CNTNAP2: variants seen among roughly 807,000 people sequenced by gnomAD.
CNTNAP2 encodes contactin-associated protein-like 2.
A neutral mutation model predicts 155.2 loss-of-function variants in CNTNAP2; 98 were observed. The observed-to-expected ratio is 0.63, with a 90% CI of 0.54 to 0.75. The LOEUF (loss-of-function observed/expected upper bound fraction) is 0.75, where lower values mean the gene tolerates loss of function less well. CNTNAP2 is among the 30% of genes least tolerant of loss of function. The probability of loss-of-function intolerance (pLI) is 0.00; values close to 1 mark genes in which losing one functional copy is unlikely to be tolerated. For missense variants in CNTNAP2, 1,727 were observed against 1,688.1 expected (o/e 1.02, Z -0.40); for synonymous variants, 651 against 631.2 (o/e 1.03, Z -0.47).
At chr7:146,564,713 G>A (rs1286322649) in intron 1 of CNTNAP2, among the ~76,000 whole-genome samples, 2 of 151,530 alleles carry the variant, frequency 1.3e-5, no homozygotes, top group South Asian at 2.1e-4. Context: ...AACATAAGGA[G>A]TAATGGATTA....
intron 1 of CNTNAP2, among the ~76,000 whole-genome samples, chr7:146,654,156 G>A (rs1320661647): frequency 6.6e-6 from 1 of 152,018 alleles, no homozygotes; most frequent in East Asian, 1.9e-4. Flanking sequence ...TAATAACAAT[G>A]ATGGACACGA....
At chr7:146,393,153 A>T (rs771096960) in intron 1 of CNTNAP2, among the ~76,000 whole-genome samples, 2 of 152,184 alleles carry the variant, frequency 1.3e-5, no homozygotes, top group Non-Finnish European at 2.9e-5. Context: ...GTTTATGTCA[A>T]ATACTTAGGC....
chr7:146,249,583 CTTA>C (rs1799723469), intron 1 of CNTNAP2, among the ~76,000 whole-genome samples: 2 of 152,266 alleles, frequency 1.3e-5, no homozygotes, highest in South Asian at 4.1e-4. Flanking sequence ...ACAAATATCA[CTTA>C]TTATGTGCTG....
At chr7:146,305,567 A>G (rs1800694998) in intron 1 of CNTNAP2, among the ~76,000 whole-genome samples, 1 of 152,110 alleles carries the variant, frequency 6.6e-6, no homozygotes, top group African/African-American at 2.4e-5. Context: ...TTGCCTGGGT[A>G]TCACCAGTGG....
intron 1 of CNTNAP2, among the ~76,000 whole-genome samples, chr7:146,357,911 A>G (rs536137162): frequency 4.0e-5 from 6 of 150,830 alleles, no homozygotes; most frequent in South Asian, 2.1e-4. Context: ...AAAAGAATGC[A>G]CCCCGCCCCC....
At chr7:148,170,582 C>G (rs1222936823) in intron 17 of CNTNAP2, among the ~76,000 whole-genome samples, 1 of 152,216 alleles carries the variant, frequency 6.6e-6, no homozygotes, top group Non-Finnish European at 1.5e-5. Context: ...GCACTGGACT[C>G]TCTTCACTTC....
chr7:146,783,480 A>G (rs1011952809), intron 2 of CNTNAP2, among the ~76,000 whole-genome samples: 1 of 152,210 alleles, frequency 6.6e-6, no homozygotes, highest in African/African-American at 2.4e-5. Context: ...GTTTTATAAA[A>G]TTAAATGTGT....
intron 14 of CNTNAP2, among the ~76,000 whole-genome samples, chr7:147,920,368 A>AAAG (rs1471744735): frequency 6.6e-6 from 1 of 151,558 alleles, no homozygotes; most frequent in East Asian, 1.9e-4. Context: ...AAAAAAAAAA[A>AAAG]AAAAAAAAGC....
intron 20 of CNTNAP2, among the ~76,000 whole-genome samples, chr7:148,234,177 G>A (rs943662250): frequency 6.6e-6 from 1 of 152,160 alleles, no homozygotes; most frequent in Non-Finnish European, 1.5e-5. Context: ...CATAAAGTAA[G>A]ATGCAACCTG....
chr7:148,249,258 T>G (rs1417179062), intron 20 of CNTNAP2, among the ~76,000 whole-genome samples: 1 of 152,166 alleles, frequency 6.6e-6, no homozygotes, highest in East Asian at 1.9e-4. Context: ...CACTGGCTAC[T>G]TCACAGTTCT....
intron 3 of CNTNAP2, among the ~76,000 whole-genome samples, chr7:146,847,924 T>A (rs985656236): frequency 3.3e-5 from 5 of 152,218 alleles, no homozygotes; most frequent in Non-Finnish European, 7.3e-5. Context: ...TAAATTCACT[T>A]GATAAAGTGC....
At chr7:146,235,502 C>G (rs1483341438) in intron 1 of CNTNAP2, among the ~76,000 whole-genome samples, 1 of 152,092 alleles carries the variant, frequency 6.6e-6, no homozygotes, top group African/African-American at 2.4e-5. Flanking sequence ...AACACATTAT[C>G]AAGTCAGTTA....
chr7:147,207,669 T>A (rs987025356), intron 8 of CNTNAP2, among the ~76,000 whole-genome samples: 4 of 152,132 alleles, frequency 2.6e-5, no homozygotes, highest in African/African-American at 4.8e-5. Flanking sequence ...TAAGTTTTTT[T>A]AGCTTAATGT....
chr7:146,962,220 A>C (rs1322321307), intron 3 of CNTNAP2, among the ~76,000 whole-genome samples: 1 of 152,210 alleles, frequency 6.6e-6, no homozygotes, highest in Admixed American at 6.5e-5. Flanking sequence ...CCAAAACAGT[A>C]GATTTTTGCT....
chr7:146,436,379 A>G (rs1440398911), intron 1 of CNTNAP2, among the ~76,000 whole-genome samples: 3 of 152,200 alleles, frequency 2.0e-5, no homozygotes, highest in African/African-American at 7.2e-5. Context: ...GTGATAATAA[A>G]AATGTGGATT....
chr7:146,160,818 C>G (rs935877311), intron 1 of CNTNAP2, among the ~76,000 whole-genome samples: 10 of 152,068 alleles, frequency 6.6e-5, no homozygotes, highest in Admixed American at 3.9e-4. Context: ...TTCCAATCAA[C>G]AGAAAAAGAG....
chr7:146,889,077 T>C (rs1282780451), intron 3 of CNTNAP2, among the ~76,000 whole-genome samples: 2 of 152,058 alleles, frequency 1.3e-5, no homozygotes, highest in African/African-American at 4.8e-5. Flanking sequence ...GTTTATTGCC[T>C]TGATGGTGAT....
At chr7:146,797,906 T>C (rs1802800018) in intron 2 of CNTNAP2, among the ~76,000 whole-genome samples, 1 of 152,232 alleles carries the variant, frequency 6.6e-6, no homozygotes, top group Non-Finnish European at 1.5e-5. Flanking sequence ...ACATGAATTA[T>C]CACAACCTTA....
In CNTNAP2 at chr7:147,571,118, C is replaced by CT. The variant is rs577485310; in HGVS notation, c.1897+8869dup. On this transcript the variant is annotated intron_variant, in intron 12 of 23. Coordinates refer to ENST00000361727, the MANE Select transcript of CNTNAP2 (RefSeq NM_014141.6). ...TAGGCAATTAGTATGATTTTTAGTTCTTTTTTTTATTATTATTATACTTTA... is the reference window on the plus strand; with the variant it reads ...TAGGCAATTAGTATGATTTTTAGTTCTTTTTTTTTATTATTATTATACTTTA... Among the ~76,000 whole-genome samples the CT allele has an allele frequency of 4.6e-5, 7 of 151,716 alleles. No individual in the cohort carries two copies. The East Asian group carries it at 9.7e-4, about 21-fold the overall frequency.
Sources: allele counts gnomAD v4.1 joint callset (sites outside exome capture counted in the v4.1 genomes callset), GRCh38; gene constraint gnomAD v4.1.1; transcripts MANE v1.5; gene names NCBI Gene and HGNC (gene_info 2026-07-23, HGNC 2026-07-21).